Variants in PLXNC1 observed in about 807,000 individuals in gnomAD.
The protein encoded by PLXNC1 is plexin C1.
A neutral mutation model predicts 178.2 loss-of-function variants in PLXNC1; 75 were observed. That is an observed-to-expected ratio of 0.42 (90% CI 0.35 to 0.51). The LOEUF is 0.51. Among genes scored for constraint, PLXNC1 ranks in the 20% least tolerant of loss-of-function variants. PLXNC1 has a pLI of 0.02. For synonymous variants in PLXNC1, 790 were observed against 779.9 expected, an observed-to-expected ratio of 1.01 and a Z score of -0.22; for missense variants, 1,503 against 1,984.4, an observed-to-expected ratio of 0.76 and a Z score of 4.61.
intron 21 of PLXNC1, among the ~76,000 whole-genome samples, chr12:94,273,031 C>T (rs1026411411): frequency 6.6e-6 from 1 of 152,148 alleles, no homozygotes; most frequent in East Asian, 1.9e-4. Context: ...TGACTCCCAC[C>T]GGCTCCATGA....
chr12:94,303,038 T>C (rs1308738943), intron 28 of PLXNC1, among the ~76,000 whole-genome samples: 1 of 152,218 alleles, frequency 6.6e-6, no homozygotes, highest in Non-Finnish European at 1.5e-5. Context: ...AGCCCTATCA[T>C]TAACTTACCT....
intron 2 of PLXNC1, among the ~76,000 whole-genome samples, chr12:94,177,213 GTGTGTGTATATATATACA>G (rs1962120348): frequency 1.1e-4 from 10 of 92,522 alleles, no homozygotes; most frequent in African/African-American, 4.4e-4. Context: ...ATATATATAT[GTGTGTGTATATATATACA>G]TATATATATA....
intron 5 of PLXNC1, among the ~76,000 whole-genome samples, chr12:94,213,949 C>T (rs1411077602): frequency 6.6e-6 from 1 of 151,818 alleles, no homozygotes; most frequent in Non-Finnish European, 1.5e-5. Flanking sequence ...TCACTGCAAC[C>T]TCCACCTCCC....
intron 3 of PLXNC1, among the ~76,000 whole-genome samples, 163 bp downstream of exon 3, chr12:94,181,743 TACTG>T (rs1263941125): frequency 3.3e-5 from 5 of 152,314 alleles, no homozygotes; most frequent in Admixed American, 2.6e-4. Context: ...TTAAAAACCT[TACTG>T]ACTGTCAGTA....
chr12:94,280,503 G>A (rs932702014), intron 22 of PLXNC1, among the ~76,000 whole-genome samples: 2 of 152,228 alleles, frequency 1.3e-5, no homozygotes, highest in Non-Finnish European at 2.9e-5. Context: ...TTGAGGCAGG[G>A]TCTTGGAAGT....
In PLXNC1 at chr12:94,186,487, T is replaced by A. The variant is rs763478814; in HGVS notation, c.1439+14T>A. 1 of 1,568,674 alleles carries A rather than the reference T, an allele frequency of 6.4e-7. No homozygotes were observed. Among genetic ancestry groups the A allele is most frequent in the Non-Finnish European group, 8.8e-7 (1 of 1,138,594 alleles). ...TTCGCTACAAAGGTATCTCCTGAATTCTTTCTCACCAACTCGCATTTTTGA... is the reference window on the plus strand; with the variant it reads ...TTCGCTACAAAGGTATCTCCTGAATACTTTCTCACCAACTCGCATTTTTGA... On this transcript the variant is annotated intron_variant, in intron 4 of 30. Transcript: ENST00000258526.
At chr12:94,241,096 G>A (rs1440194396) in intron 11 of PLXNC1, among the ~76,000 whole-genome samples, 1 of 152,156 alleles carries the variant, frequency 6.6e-6, no homozygotes, top group East Asian at 1.9e-4. Flanking sequence ...TTTTCAAGAT[G>A]TTCCCTAAGG....
At chr12:94,257,914 A>AT (rs146627745) in intron 17 of PLXNC1, among the ~76,000 whole-genome samples, 9,817 of 148,472 alleles carry the variant, frequency 0.066, 792 homozygotes, top group African/African-American at 0.18. Flanking sequence ...GTCTCAAAAA[A>AT]AATAATAAAT....
chr12:94,183,590 G>A (rs960249867), intron 3 of PLXNC1, among the ~76,000 whole-genome samples: 10 of 152,202 alleles, frequency 6.6e-5, no homozygotes, highest in African/African-American at 2.4e-4. Flanking sequence ...AAAGAAACTT[G>A]ATATCTTCCT....
intron 7 of PLXNC1, 68 bp downstream of exon 7, chr12:94,224,383 G>A (rs1242665811): frequency 1.3e-5 from 12 of 914,270 alleles, no homozygotes; most frequent in Non-Finnish European, 1.5e-5. Context: ...TTGACTCCTC[G>A]ATTTCCTAAA....
At chr12:94,167,724 A>G (rs755099257) in intron 1 of PLXNC1, among the ~76,000 whole-genome samples, 3 of 152,200 alleles carry the variant, frequency 2.0e-5, no homozygotes, top group Non-Finnish European at 2.9e-5. Flanking sequence ...CCCATATTGC[A>G]TGAAAAGTAT....
intron 9 of PLXNC1, among the ~76,000 whole-genome samples, chr12:94,237,138 C>T (rs2136046479): frequency 6.6e-6 from 1 of 152,322 alleles, no homozygotes; most frequent in African/African-American, 2.4e-5. Context: ...GGTGACTGAA[C>T]AGGTTGATTT....
chr12:94,228,207 T>A (rs1963998598), intron 9 of PLXNC1, among the ~76,000 whole-genome samples: 1 of 152,206 alleles, frequency 6.6e-6, no homozygotes, highest in African/African-American at 2.4e-5. Flanking sequence ...ATTAAAGGCA[T>A]TAGAAAAGCT....
chr12:94,219,962 T>C (rs188161684), intron 5 of PLXNC1, 54 bp from the exon 6 acceptor site: 2 of 1,573,534 alleles, frequency 1.3e-6, no homozygotes, highest in African/African-American at 1.4e-5. Context: ...GGCTCTATGA[T>C]GGATGGAAAT....
chr12:94,288,646 C>A (rs574372894), intron 23 of PLXNC1, among the ~76,000 whole-genome samples: 35 of 152,336 alleles, frequency 2.3e-4, no homozygotes, highest in African/African-American at 8.2e-4. Flanking sequence ...CACTGGTGAA[C>A]CCCTGTGCTG....
chr12:94,218,092 T>C (rs1342364806), intron 5 of PLXNC1, among the ~76,000 whole-genome samples: 1 of 152,192 alleles, frequency 6.6e-6, no homozygotes, highest in African/African-American at 2.4e-5. Flanking sequence ...GTATACAAGA[T>C]AAGATGTGTG....
chr12:94,264,485 T>C (rs1198842298), intron 20 of PLXNC1, among the ~76,000 whole-genome samples: 1 of 152,112 alleles, frequency 6.6e-6, no homozygotes, highest in Non-Finnish European at 1.5e-5. Flanking sequence ...GACTGTGCAG[T>C]GTGTGTCTGG....
chr12:94,213,422 C>G (rs1196350525), intron 5 of PLXNC1, among the ~76,000 whole-genome samples: 2 of 152,188 alleles, frequency 1.3e-5, no homozygotes, highest in African/African-American at 4.8e-5. Context: ...AGCATTTTTG[C>G]TTATGTCTGT....
chr12:94,237,586 C>A, intron 9 of PLXNC1, 78 bp from the exon 10 acceptor site: 3 of 1,233,652 alleles, frequency 2.4e-6, no homozygotes, highest in Non-Finnish European at 2.3e-6. Flanking sequence ...CTTCGAACTG[C>A]AGCGTATAAA....
Sources: gnomAD v4.1 joint callset for allele counts (sites outside exome capture counted in the v4.1 genomes callset) on GRCh38, gnomAD v4.1.1 for gene constraint, MANE v1.5 for transcripts, NCBI Gene and HGNC (gene_info 2026-07-23, HGNC 2026-07-21) for gene names.